The following PTPRD variants were observed in gnomAD, a reference collection of about 807,000 sequenced individuals.
The protein encoded by PTPRD is protein tyrosine phosphatase receptor type D, also known as receptor-type tyrosine-protein phosphatase delta.
A neutral mutation model predicts 214.5 loss-of-function variants in PTPRD; 34 were observed. The ratio of observed to expected loss-of-function variants is 0.16; its 90% CI spans 0.12 to 0.21. The LOEUF (loss-of-function observed/expected upper bound fraction) is 0.21. Among genes scored for constraint, PTPRD ranks in the 10% least tolerant of loss-of-function variants. The pLI is 1.00. For synonymous variants in PTPRD, 1,128 were observed against 845.7 expected, an observed-to-expected ratio of 1.33 and a Z score of -5.79; for missense variants, 2,545 against 2,398.7, an observed-to-expected ratio of 1.06 and a Z score of -1.27.
rs138449334 is a variant in PTPRD, at chr9:9,200,733, C to T, written c.-202-17370G>A. On this transcript the variant is annotated intron_variant, in intron 9 of 45. Coordinates refer to ENST00000381196, the MANE Select transcript of PTPRD (RefSeq NM_002839.4). ...ATTCCTTAAGAGGTATCAAGAAATACCCTGGATAATCAACAATGCTTTTGC... is the reference window on the plus strand; with the variant it reads ...ATTCCTTAAGAGGTATCAAGAAATATCCTGGATAATCAACAATGCTTTTGC... Among the ~76,000 whole-genome samples, 64 of 152,256 alleles carry T rather than the reference C, an allele frequency of 4.2e-4. No individual in the cohort carries two copies. In the East Asian group the frequency reaches 0.011, roughly 27 times the overall value.
chr9:9,327,448 C>T (rs769625567), intron 9 of PTPRD, among the ~76,000 whole-genome samples: 29 of 151,976 alleles, frequency 1.9e-4, no homozygotes, highest in Non-Finnish European at 3.8e-4. Context: ...TGTGGCACAA[C>T]CCAAGACACT....
At chr9:10,424,026 C>T (rs930557930) in intron 2 of PTPRD, among the ~76,000 whole-genome samples, 2 of 151,868 alleles carry the variant, frequency 1.3e-5, no homozygotes, top group African/African-American at 2.4e-5. Context: ...GCTACTTCAG[C>T]GACTAAAAAT....
intron 9 of PTPRD, among the ~76,000 whole-genome samples, chr9:9,209,078 A>C (rs375817894): frequency 6.6e-6 from 1 of 152,058 alleles, no homozygotes; most frequent in Non-Finnish European, 1.5e-5. Flanking sequence ...AAAGTGCTGG[A>C]ATTACAGGCT....
chr9:9,926,406 C>T (rs1419255348), intron 5 of PTPRD, among the ~76,000 whole-genome samples: 1 of 151,356 alleles, frequency 6.6e-6, no homozygotes, highest in African/African-American at 2.4e-5. Flanking sequence ...GGGGATAAAG[C>T]CAGGGAATAT....
At chr9:8,557,017 T>C (rs1564319594) in intron 14 of PTPRD, among the ~76,000 whole-genome samples, 1 of 152,124 alleles carries the variant, frequency 6.6e-6, no homozygotes, top group African/African-American at 2.4e-5. Context: ...ATCAGCACAA[T>C]TTGTAGCTGA....
At chr9:9,928,741 G>C (rs1159692666) in intron 5 of PTPRD, among the ~76,000 whole-genome samples, 1 of 122,726 alleles carries the variant, frequency 8.1e-6, no homozygotes, top group African/African-American at 4.5e-5. Context: ...TACAGTAGCA[G>C]TCATCTCTCT....
chr9:9,826,707 T>A (rs997658205), intron 5 of PTPRD, among the ~76,000 whole-genome samples: 3 of 151,942 alleles, frequency 2.0e-5, no homozygotes, highest in African/African-American at 4.8e-5. Flanking sequence ...AAAAAGATCT[T>A]TTGCAAAGAG....
At chr9:8,925,321 G>C (rs772672424) in intron 11 of PTPRD, among the ~76,000 whole-genome samples, 15 of 152,006 alleles carry the variant, frequency 9.9e-5, no homozygotes, top group Non-Finnish European at 1.8e-4. Context: ...GGATGGCTCC[G>C]AGGCAGGGGA....
intron 7 of PTPRD, among the ~76,000 whole-genome samples, chr9:9,607,584 AG>A (rs1453530347): frequency 1.3e-5 from 2 of 152,156 alleles, no homozygotes; most frequent in African/African-American, 4.8e-5. Flanking sequence ...CAGTCTATCC[AG>A]AAATATCAGG....
At chr9:8,608,348 A>G (rs2095315926) in intron 14 of PTPRD, among the ~76,000 whole-genome samples, 1 of 152,210 alleles carries the variant, frequency 6.6e-6, no homozygotes, top group African/African-American at 2.4e-5. Flanking sequence ...ATACTACAAA[A>G]GGGCCAGCAT....
chr9:10,595,491 G>A (rs1056173932), intron 2 of PTPRD, among the ~76,000 whole-genome samples: 4 of 151,492 alleles, frequency 2.6e-5, no homozygotes, highest in Admixed American at 1.3e-4. Flanking sequence ...TTTCTTCTCG[G>A]TTGGTACACC....
intron 5 of PTPRD, among the ~76,000 whole-genome samples, chr9:9,772,678 C>T (rs1451437977): frequency 6.6e-6 from 1 of 151,928 alleles, no homozygotes; most frequent in Non-Finnish European, 1.5e-5. Context: ...TGATATCTGT[C>T]TATATAAAGT....
intron 5 of PTPRD, among the ~76,000 whole-genome samples, chr9:9,866,298 A>G (rs1201392852): frequency 6.7e-6 from 1 of 149,838 alleles, no homozygotes; most frequent in Non-Finnish European, 1.5e-5. Context: ...ATTACATAGA[A>G]AAGTATTTCA....
chr9:8,404,821 A>G (rs1352340424), intron 35 of PTPRD, among the ~76,000 whole-genome samples, 161 bp from the exon 36 acceptor site: 2 of 152,246 alleles, frequency 1.3e-5, no homozygotes, highest in Non-Finnish European at 2.9e-5. Context: ...TGTAACCAGC[A>G]TAACAAAAAA....
chr9:9,950,892 T>A (rs2093393621), intron 4 of PTPRD, among the ~76,000 whole-genome samples: 1 of 152,146 alleles, frequency 6.6e-6, no homozygotes, highest in Non-Finnish European at 1.5e-5. Context: ...TAGCAGCACA[T>A]AATTTCTGTT....
chr9:10,170,964 T>G (rs1004534073), intron 3 of PTPRD, among the ~76,000 whole-genome samples: 6 of 152,292 alleles, frequency 3.9e-5, no homozygotes, highest in South Asian at 2.1e-4. Context: ...GTCCTTTTCC[T>G]TGATTTCACT....
intron 14 of PTPRD, among the ~76,000 whole-genome samples, chr9:8,584,357 G>C (rs1379737008): frequency 6.6e-6 from 1 of 151,854 alleles, no homozygotes; most frequent in Admixed American, 6.6e-5. Context: ...CAGACCATTA[G>C]GTTGGGTAGA....
At chr9:10,023,616 G>A (rs542887946) in intron 4 of PTPRD, among the ~76,000 whole-genome samples, 2 of 147,392 alleles carry the variant, frequency 1.4e-5, no homozygotes, top group African/African-American at 5.1e-5. Flanking sequence ...AACTTACATG[G>A]AACTATTTTT....
At chr9:10,201,365 C>A (rs1448033657) in intron 3 of PTPRD, among the ~76,000 whole-genome samples, 1 of 151,686 alleles carries the variant, frequency 6.6e-6, no homozygotes, top group East Asian at 1.9e-4. Flanking sequence ...TGAAAAAAAT[C>A]TATCCAAATG....
Sources: gnomAD v4.1 joint callset for allele counts (sites outside exome capture counted in the v4.1 genomes callset) on GRCh38, gnomAD v4.1.1 for gene constraint, MANE v1.5 for transcripts, NCBI Gene and HGNC (gene_info 2026-07-23, HGNC 2026-07-21) for gene names.